CFAP65: variants seen among roughly 807,000 people sequenced by gnomAD.
CFAP65 encodes cilia- and flagella-associated protein 65.
Under a neutral mutation model 208.0 loss-of-function variants are expected in CFAP65, and 155 were observed. That is an observed-to-expected ratio of 0.75 (90% confidence interval 0.65 to 0.85). The LOEUF (loss-of-function observed/expected upper bound fraction) is 0.85. CFAP65 is among the 40% of genes least tolerant of loss of function. The probability of loss-of-function intolerance (pLI) is 0.00; values close to 1 mark genes in which losing one functional copy is unlikely to be tolerated. For missense variants in CFAP65, 2,294 were observed against 2,451.3 expected, an observed-to-expected ratio of 0.94 and a Z score of 1.36; for synonymous variants, 970 against 986.3, an observed-to-expected ratio of 0.98 and a Z score of 0.31.
At chr2:219,030,572 A>G (rs1947947468) in intron 9 of CFAP65, 117 bp downstream of exon 9, 2 of 1,372,426 alleles carry the variant, frequency 1.5e-6, no homozygotes, top group Non-Finnish European at 2.0e-6. Context: ...CATGGGTTAC[A>G]TGAGGCTTGG....
At chr2:219,027,327 A>G in intron 13 of CFAP65, 1 of 1,442,396 alleles carries the variant, frequency 6.9e-7, no homozygotes, top group South Asian at 1.5e-5. Flanking sequence ...AAGGACTAGT[A>G]GAGAAGCTAG....
At chr2:219,025,312 G>C (rs1947559114) in intron 14 of CFAP65, among the ~76,000 whole-genome samples, 1 of 152,204 alleles carries the variant, frequency 6.6e-6, no homozygotes, top group Admixed American at 6.5e-5. Flanking sequence ...TCTTGGGGTG[G>C]TATATGTTTG....
intron 5 of CFAP65, among the ~76,000 whole-genome samples, chr2:219,033,242 C>T (rs1948160216): frequency 6.6e-6 from 1 of 152,104 alleles, no homozygotes; most frequent in Non-Finnish European, 1.5e-5. Context: ...GAGGCTAAGG[C>T]GGGAGTATCA....
Position 219,010,558 on chromosome 2 carries a change from C to A in CFAP65, c.4296G>T (p.Val1432=). The change falls in exon 26 of 35, where the codon GTG becomes GTT. Residue 1432 remains valine (V), a synonymous_variant. Coordinates refer to ENST00000341552, the MANE Select transcript of CFAP65 (RefSeq NM_194302.4). ...WDNSSIHSRL[V]VPGQNVFLSQ... ...CCCCTTTCCCCACCTGTCCAGGCACCACCAGCCTAGAGTGTATGGAACTGT... is the reference window on the plus strand; with the variant it reads ...CCCCTTTCCCCACCTGTCCAGGCACAACCAGCCTAGAGTGTATGGAACTGT... 1 of 1,609,828 alleles carries A rather than the reference C, an allele frequency of 6.2e-7. No individual in the cohort carries two copies. The highest frequency in any genetic ancestry group is 8.5e-7 in the Non-Finnish European group (1 of 1,179,132).
At chr2:219,035,388 GT>G (rs572647237) in intron 5 of CFAP65, 91 bp downstream of exon 5, 10 of 1,609,000 alleles carry the variant, frequency 6.2e-6, no homozygotes, top group Non-Finnish European at 6.8e-6. Flanking sequence ...CATGTTAAAG[GT>G]TTTTTTTGTT....
At chr2:219,012,996 G>A (rs1176955930) in intron 24 of CFAP65, among the ~76,000 whole-genome samples, 1 of 152,124 alleles carries the variant, frequency 6.6e-6, no homozygotes. Context: ...GAAGTTTGAA[G>A]AACATTTTGC....
In CFAP65 at chr2:219,030,262, T is replaced by C. The variant is rs540037981; in HGVS notation, c.1162-54A>G. ...TCAGGTCACAGAGCAGAGCACTGTA[T>C]GATGGGACAGTCTACGCATTGTACT... On this transcript the variant is annotated intron_variant, in intron 9 of 34. Transcript: ENST00000341552. 1.4e-4 allele frequency: 214 copies of C among 1,535,768 alleles called. 1 individual carries two copies. In the African/African-American group the frequency reaches 2.6e-3, roughly 19 times the overall value.
At position 219,019,098 on chromosome 2, in the gene CFAP65, G is replaced by A. The variant is rs1337323119; in HGVS notation, c.3555C>T (p.Ser1185=). ...FGAAPFKAPP[S]VVFLALKNSG... ...TGTTCTTCAGGGCCAGGAATACCAC[G>A]GAAGGTGGGGCCTTGAATGGTGCGG... is the stretch of plus-strand genomic sequence containing the variant. Residue 1185 remains serine (S), a synonymous_variant, in exon 21 of 35, where the codon TCC becomes TCT. Coordinates refer to ENST00000341552, the MANE Select transcript of CFAP65 (RefSeq NM_194302.4). The A allele has an allele frequency of 9.9e-6, 16 of 1,614,210 alleles. No individual in the cohort carries two copies. Among genetic ancestry groups the A allele is most frequent in the Middle Eastern group, 1.6e-4 (1 of 6,062 alleles).
chr2:219,032,976 G>T lies in CFAP65; in HGVS notation c.543-404C>A, dbSNP rs1485913518. ...AGCAGAGCTGTAGCATCCCACAGTG[G>T]GTCAGAACCACAGCTGCTGCAGACT... is the stretch of plus-strand genomic sequence containing the variant. On this transcript the variant is annotated intron_variant, in intron 5 of 34. Transcript: ENST00000341552. This position sits in a 1 kb window ranked among gnomAD's most constrained non-coding sequence, Gnocchi z 5.5. 6.6e-6 allele frequency among the ~76,000 whole-genome samples: 1 copy of T among 152,008 alleles called. No individual in the cohort carries two copies. The highest frequency in any genetic ancestry group is 1.5e-5 in the Non-Finnish European group (1 of 67,980).
chr2:219,035,717 G>C, intron 4 of CFAP65, 53 bp from the exon 5 acceptor site: 5 of 1,548,862 alleles, frequency 3.2e-6, no homozygotes, highest in Non-Finnish European at 4.3e-6. Context: ...CAGCAGGGTG[G>C]GATGCCAAGA....
intron 30 of CFAP65, 46 bp downstream of exon 30, chr2:219,006,419 C>A: frequency 6.2e-7 from 1 of 1,610,120 alleles, no homozygotes; most frequent in South Asian, 1.1e-5. Flanking sequence ...AGCAAGGACC[C>A]TCCCAAGTTG....
chr2:219,040,295 G>T (rs1366147655), intron 2 of CFAP65, among the ~76,000 whole-genome samples: 2 of 151,966 alleles, frequency 1.3e-5, no homozygotes, highest in Non-Finnish European at 2.9e-5. Context: ...CACCCTTTAG[G>T]AATTTATACA....
At chr2:219,030,927 G>T in intron 8 of CFAP65, 93 bp from the exon 9 acceptor site, 1 of 1,506,388 alleles carries the variant, frequency 6.6e-7, no homozygotes, top group Non-Finnish European at 8.9e-7. Flanking sequence ...TGGCCCCAGG[G>T]AAAATTTAGC....
intron 21 of CFAP65, chr2:219,015,506 A>C (rs1946814615): frequency 6.6e-6 from 1 of 152,186 alleles, no homozygotes. Context: ...AACCAGTCTT[A>C]ACTTTTTTCA....
chr2:219,024,101 T>C lies in CFAP65; in HGVS notation c.2509A>G (p.Ile837Val). Reference protein sequence around the residue: ...GLVAPGAHQIILICTYPEGSS... With the variant: ...GLVAPGAHQIVLICTYPEGSS... Reference sequence around the variant, plus strand: ...CCCTCAGGGTAGGTGCAGATGAGGATGATCTGGTGGGCCCCGGGTGCCACA... The same window carrying C: ...CCCTCAGGGTAGGTGCAGATGAGGACGATCTGGTGGGCCCCGGGTGCCACA... Residue 837 changes from isoleucine (I) to valine (V), a missense_variant, in exon 15 of 35, where the codon ATC becomes GTC. Ile to Val is a conservative substitution (Grantham distance 29). Around this residue, in one of 2 missense-constraint regions of CFAP65, gnomAD observed 1,427 missense variants for 1,438.7 expected, o/e 0.99. Coordinates refer to ENST00000341552, the MANE Select transcript of CFAP65 (RefSeq NM_194302.4). The C allele has an allele frequency of 6.2e-7, 1 of 1,614,000 alleles. No individual in the cohort carries two copies. The highest frequency in any genetic ancestry group is 2.2e-5 in the East Asian group (1 of 44,872).
rs750369211 is a variant in CFAP65 at position 219,006,203 on chromosome 2, G to T, written c.4740C>A (p.Asn1580Lys). 1.6e-5 allele frequency: 26 copies of T among 1,608,254 alleles called. No homozygotes were observed. The highest frequency in any genetic ancestry group is 2.1e-5 in the Non-Finnish European group (25 of 1,175,638). The change falls in exon 31 of 35, where the codon AAC (asparagine) becomes AAA (lysine). Residue 1580 changes from asparagine to lysine, a missense_variant. Asn to Lys is a moderately conservative substitution (Grantham distance 94). This residue lies in a region of CFAP65 where 1,427 missense variants were observed against 1,438.7 expected (regional missense o/e 0.99). Transcript: ENST00000341552. ...TGGCAGGCCGGCTGACAGACTGCTGGTTCTTGATGGGAGGCAGTGTCTTTG... is the reference window on the plus strand; with the variant it reads ...TGGCAGGCCGGCTGACAGACTGCTGTTTCTTGATGGGAGGCAGTGTCTTTG... ...RKYKTLPPIK[N>K]QQSVSRPASW...
In CFAP65 at chr2:219,027,921, A is replaced by C; in HGVS notation, c.1940T>G (p.Phe647Cys). 1 of 1,522,536 alleles carries C rather than the reference A, an allele frequency of 6.6e-7. No homozygotes were observed. Among genetic ancestry groups the C allele is most frequent in the Non-Finnish European group, 8.8e-7 (1 of 1,135,308 alleles). The allele number at this position is 1,522,536 out of a possible 1,614,324, so 94.3% of individuals were successfully genotyped here. The change falls in exon 13 of 35, where the codon TTC becomes TGC. Residue 647 changes from phenylalanine (F) to cysteine (C), a missense_variant. Physicochemically the swap from Phe to Cys is radical, Grantham distance 205. This residue lies in a region of CFAP65 where 867 missense variants were observed against 1,012.6 expected (regional missense o/e 0.86). Coordinates refer to ENST00000341552, the MANE Select transcript of CFAP65 (RefSeq NM_194302.4). The part of the protein sequence containing the change: ...FFDGTSDITI[F>C]PPPISVEPVE... ...AGGCTCTACACTGATGGGCGGGGGG[A>C]AGATGGTTATGTCGCTGGTGCCGTC...
intron 4 of CFAP65, among the ~76,000 whole-genome samples, chr2:219,036,350 A>AC (rs996781470): frequency 6.9e-4 from 105 of 151,444 alleles, no homozygotes; most frequent in African/African-American, 2.4e-3. Context: ...GGGCATGGAA[A>AC]CCCCCCTGGG....
Position 219,027,917 on chromosome 2 carries a change from G to A in CFAP65, c.1944C>T (p.Pro648=). 1 of 1,525,792 alleles carries A rather than the reference G, an allele frequency of 6.6e-7. No individual in the cohort carries two copies. Among genetic ancestry groups the A allele is most frequent in the Non-Finnish European group, 8.8e-7 (1 of 1,136,834 alleles). 94.5% of individuals were successfully genotyped at this position (1,525,792 alleles called of 1,614,324 possible). A position where few individuals can be genotyped will look rare whatever the true frequency, so the allele number is the denominator to read the frequency against. ...FDGTSDITIF[P]PPISVEPVEV... is the part of the protein sequence containing the mutation. ...CGACAGGCTCTACACTGATGGGCGGGGGGAAGATGGTTATGTCGCTGGTGC... is the reference window on the plus strand; with the variant it reads ...CGACAGGCTCTACACTGATGGGCGGAGGGAAGATGGTTATGTCGCTGGTGC... The change falls in exon 13 of 35, where the codon CCC becomes CCT. Residue 648 remains proline (P), a synonymous_variant. Coordinates refer to ENST00000341552, the MANE Select transcript of CFAP65 (RefSeq NM_194302.4).
Sources: gnomAD v4.1 joint callset for allele counts (sites outside exome capture counted in the v4.1 genomes callset) on GRCh38, gnomAD v4.1.1 for gene constraint, gnomAD v4.1.1 regional missense constraint, Gnocchi (gnomAD v3.1) non-coding constraint, MANE v1.5 for transcripts, NCBI Gene and HGNC (gene_info 2026-07-23, HGNC 2026-07-21) for gene names.